The following TSC22D2 variants were observed in gnomAD, a reference collection of about 807,000 sequenced individuals.
TSC22D2 encodes the protein TSC22 domain family member 2, also known as TSC22 domain family protein 2.
Under a neutral mutation model 50.1 loss-of-function variants are expected in TSC22D2, and 5 were observed. The observed-to-expected ratio is 0.10, with a 90% CI of 0.05 to 0.21. The LOEUF is 0.21. Ranked by LOEUF, TSC22D2 falls within the 10% of genes least tolerant of loss-of-function variation. The pLI is 1.00. For synonymous variants in TSC22D2, 501 were observed against 450.1 expected (o/e 1.11, Z -1.43); for missense variants, 1,003 against 1,015.5 (o/e 0.99, Z 0.17).
At chr3:150,435,787 A>G (rs896875254) in intron 1 of TSC22D2, among the ~76,000 whole-genome samples, 3 of 151,946 alleles carry the variant, frequency 2.0e-5, no homozygotes, top group Non-Finnish European at 4.4e-5. Context: ...TTCCCCTTTC[A>G]CTGTTTTTTT....
intron 1 of TSC22D2, chr3:150,423,198 T>C: frequency 9.6e-7 from 1 of 1,046,322 alleles, no homozygotes; most frequent in East Asian, 2.6e-5. Context: ...GGTTTCTCAT[T>C]AAAACTGATC....
intron 1 of TSC22D2, among the ~76,000 whole-genome samples, chr3:150,430,823 G>A (rs923472690): frequency 6.7e-6 from 1 of 150,038 alleles, no homozygotes; most frequent in Non-Finnish European, 1.5e-5. Context: ...AGTCTGAAGA[G>A]GATGATTGGT....
chr3:150,456,234 C>T (rs528294519), intron 1 of TSC22D2, among the ~76,000 whole-genome samples: 1 of 149,062 alleles, frequency 6.7e-6, no homozygotes, highest in Non-Finnish European at 1.5e-5. Flanking sequence ...GTTGCCCAGG[C>T]TGGATTGCAA....
intron 1 of TSC22D2, among the ~76,000 whole-genome samples, chr3:150,456,501 C>G (rs1721195582): frequency 6.6e-6 from 1 of 151,870 alleles, no homozygotes; most frequent in Non-Finnish European, 1.5e-5. Flanking sequence ...TGTTGAGTTT[C>G]TTGTTAACCA....
chr3:150,443,457 C>G (rs150488624), intron 1 of TSC22D2, among the ~76,000 whole-genome samples: 1 of 152,312 alleles, frequency 6.6e-6, no homozygotes, highest in African/African-American at 2.4e-5. Context: ...GATAAGGAGA[C>G]ATTGCTTAAT....
rs2108054916 is a variant in TSC22D2, at chr3:150,410,527, C to G, written c.1177C>G (p.Pro393Ala). Residue 393 changes from proline (P) to alanine (A), a missense_variant, in exon 1 of 3, where the codon CCC becomes GCC. By Grantham distance (27) the Pro-to-Ala change is conservative (BLOSUM62 -1). Coordinates refer to ENST00000688009, the MANE Select transcript of TSC22D2 (RefSeq NM_001303264.2). Reference protein sequence around the residue: ...QHVAGLQPPSPAQPSSTGAAA... With the variant: ...QHVAGLQPPSAAQPSSTGAAA... ...CGTGGCCGGCCTGCAGCCGCCAAGCCCCGCGCAGCCCTCGTCCACCGGCGC... is the reference window on the plus strand; with the variant it reads ...CGTGGCCGGCCTGCAGCCGCCAAGCGCCGCGCAGCCCTCGTCCACCGGCGC... 1.3e-6 allele frequency: 2 copies of G among 1,576,372 alleles called. No individual in the cohort carries two copies. The highest frequency in any genetic ancestry group is 4.7e-5 in the East Asian group (2 of 42,252).
In TSC22D2 at chr3:150,410,945, C is replaced by G. The variant is rs780198396; in HGVS notation, c.1595C>G (p.Pro532Arg). Residue 532 changes from proline to arginine, a missense_variant, in exon 1 of 3, where the codon CCC becomes CGC. Physicochemically the swap from Pro to Arg is moderately radical, Grantham distance 103. This residue lies in a region of TSC22D2 where 696 missense variants were observed against 647.8 expected (regional missense o/e 1.07). Coordinates refer to ENST00000688009, the MANE Select transcript of TSC22D2 (RefSeq NM_001303264.2). ...STTSVTMPNV[P>R]APLAQSQQLS... Reference sequence around the variant, plus strand: ...ACTTCTGTTACTATGCCAAATGTACCCGCGCCTCTGGCCCAGTCGCAACAG... The same window carrying G: ...ACTTCTGTTACTATGCCAAATGTACGCGCGCCTCTGGCCCAGTCGCAACAG... The G allele has an allele frequency of 3.7e-6, 6 of 1,614,194 alleles. No homozygotes were observed. The Admixed American group carries it at 5.0e-5, about 13-fold the overall frequency.
chr3:150,428,497 A>G (rs1015595884), intron 1 of TSC22D2, among the ~76,000 whole-genome samples: 2 of 152,080 alleles, frequency 1.3e-5, no homozygotes, highest in Non-Finnish European at 2.9e-5. Context: ...GAATGACAGC[A>G]TTTATAAATT....
Position 150,409,315 on chromosome 3 carries a change from G to A in TSC22D2, c.-36G>A, listed in dbSNP as rs772536879. The A allele has an allele frequency of 6.4e-7, 1 of 1,552,196 alleles. No individual in the cohort carries two copies. Among genetic ancestry groups the A allele is most frequent in the Non-Finnish European group, 8.7e-7 (1 of 1,144,890 alleles). On this transcript the variant is annotated 5_prime_UTR_variant, in exon 1 of 3. Coordinates refer to ENST00000688009, the MANE Select transcript of TSC22D2 (RefSeq NM_001303264.2). This position sits in a 1 kb window ranked among gnomAD's most constrained non-coding sequence, Gnocchi z 7.4. The stretch of plus-strand genomic sequence containing the variant: ...CCGGTTTCCGACAGGACCCAGAGGA[G>A]CCGGCGTGCCTCTCTGCCCTCCAGC...
chr3:150,445,316 A>AAATAATAATAAT (rs139705131), intron 1 of TSC22D2, among the ~76,000 whole-genome samples: 1 of 142,542 alleles, frequency 7.0e-6, no homozygotes, highest in Admixed American at 7.1e-5. Context: ...TCTGTCTCAA[A>AAATAATAATAAT]AATAATAATA....
At chr3:150,423,810 ATATT>A (rs1720088840) in intron 1 of TSC22D2, among the ~76,000 whole-genome samples, 2 of 152,194 alleles carry the variant, frequency 1.3e-5, no homozygotes, top group South Asian at 2.1e-4. Flanking sequence ...GTTTTGCTGA[ATATT>A]TATTAGCATT....
At chr3:150,411,366 A>C (rs984240026) in intron 1 of TSC22D2, 58 bp downstream of exon 1, 1 of 1,476,774 alleles carries the variant, frequency 6.8e-7, no homozygotes, top group African/African-American at 1.7e-5. Context: ...ATTGTAGCTT[A>C]GGATGCAACT....
chr3:150,431,224 C>CA (rs71138443), intron 1 of TSC22D2, among the ~76,000 whole-genome samples: 10,140 of 27,840 alleles, frequency 0.36, 3,405 homozygotes, highest in Non-Finnish European at 0.41. Flanking sequence ...GGCTCTGTCT[C>CA]AAAAAAAAAA....
At chr3:150,434,473 G>A (rs2108082471) in intron 1 of TSC22D2, among the ~76,000 whole-genome samples, 1 of 152,252 alleles carries the variant, frequency 6.6e-6, no homozygotes, top group South Asian at 2.1e-4. Flanking sequence ...AACAAAGCAT[G>A]CAGTTCCTTA....
At chr3:150,437,645 CAA>C (rs572420309) in intron 1 of TSC22D2, among the ~76,000 whole-genome samples, 3 of 132,908 alleles carry the variant, frequency 2.3e-5, no homozygotes, top group Non-Finnish European at 1.6e-5. Flanking sequence ...ACTAAAAATA[CAA>C]AAAAAAAAAA....
chr3:150,443,907 C>T (rs1720796149), intron 1 of TSC22D2, among the ~76,000 whole-genome samples: 2 of 152,172 alleles, frequency 1.3e-5, no homozygotes, highest in African/African-American at 4.8e-5. Flanking sequence ...TTAACATCCA[C>T]TTTATTATCC....
intron 1 of TSC22D2, among the ~76,000 whole-genome samples, chr3:150,428,611 ATACT>A (rs368167065): frequency 1.1e-4 from 16 of 144,726 alleles, no homozygotes; most frequent in Non-Finnish European, 1.5e-4. Flanking sequence ...AAAAAAAAAC[ATACT>A]TAGATATGTG....
chr3:150,445,344 A>C (rs940922184), intron 1 of TSC22D2, among the ~76,000 whole-genome samples: 2 of 148,910 alleles, frequency 1.3e-5, no homozygotes, highest in Non-Finnish European at 3.0e-5. Flanking sequence ...TAATAATAAT[A>C]ATAATAATAA....
chr3:150,462,632 C>CTTTTTTTTTT lies in TSC22D2; in HGVS notation c.*4002_*4003insTTTTTTTTTT. The CTTTTTTTTTT allele has an allele frequency of 1.1e-5, 1 of 88,886 alleles. No individual in the cohort carries two copies. The highest frequency in any genetic ancestry group is 5.0e-4 in the South Asian group (1 of 2,012). 5.5% of individuals were successfully genotyped at this position (88,886 alleles called of 1,614,324 possible). ...TATCAGGTGCCTATTTTCTTTTTTT[C>CTTTTTTTTTT]TTTTTTCTTTTTTTTTTTTTTTGAG... On this transcript the variant is annotated 3_prime_UTR_variant, in exon 3 of 3. Transcript: ENST00000688009.
Sources: allele counts gnomAD v4.1 joint callset (sites outside exome capture counted in the v4.1 genomes callset), GRCh38; gene constraint gnomAD v4.1.1; regional missense constraint gnomAD v4.1.1; non-coding constraint Gnocchi (gnomAD v3.1); transcripts MANE v1.5; gene names NCBI Gene and HGNC (gene_info 2026-07-23, HGNC 2026-07-21).